ADGRA2: variants seen among roughly 807,000 people sequenced by gnomAD.
ADGRA2 encodes G-protein coupled receptor 124.
In ADGRA2, 61 loss-of-function variants were observed where a neutral mutation model predicts 98.7. The observed-to-expected ratio is 0.62, with a 90% CI of 0.50 to 0.76. The LOEUF is 0.76. Ranked by LOEUF, ADGRA2 falls within the 30% of genes least tolerant of loss-of-function variation. ADGRA2 has a pLI of 0.00. For synonymous variants in ADGRA2, 858 were observed against 831.5 expected (o/e 1.03, Z -0.55); for missense variants, 1,712 against 1,860.0 (o/e 0.92, Z 1.46).
At chr8:37,833,589 C>G in intron 9 of ADGRA2, 99 bp from the exon 10 acceptor site, 4 of 1,280,532 alleles carry the variant, frequency 3.1e-6, no homozygotes, top group Non-Finnish European at 3.3e-6. Context: ...ACTCCTGTCC[C>G]CAGGCACTGA....
intron 3 of ADGRA2, 138 bp downstream of exon 3, chr8:37,829,097 C>G (rs922283427): frequency 7.2e-6 from 5 of 697,786 alleles, no homozygotes; most frequent in Non-Finnish European, 9.1e-6. Context: ...TGGCTGGGGT[C>G]AAAGGAGCTG....
At chr8:37,812,744 A>G (rs1404301512) in intron 1 of ADGRA2, among the ~76,000 whole-genome samples, 1 of 151,708 alleles carries the variant, frequency 6.6e-6, no homozygotes, top group Non-Finnish European at 1.5e-5. Context: ...AGCTCACTGC[A>G]GCCTCGAACT....
In ADGRA2 at chr8:37,835,306, C is replaced by A. The variant is rs754709982; in HGVS notation, c.1741C>A (p.Pro581Thr). Residue 581 changes from proline (P) to threonine (T), a missense_variant, in exon 12 of 19, where the codon CCA becomes ACA. Transcript: ENST00000412232. ...TRPGSPGQNP[P>T]PEPEPPADQQ... ...GCCAGGAAGCCCTGGCCAGAACCCC[C>A]CACCTGAGCCCGAGCCCCCAGCTGA... 6.2e-6 allele frequency: 10 copies of A among 1,613,684 alleles called. No individual in the cohort carries two copies. Among genetic ancestry groups the A allele is most frequent in the Non-Finnish European group, 8.5e-6 (10 of 1,179,960 alleles).
rs745338333 is a variant in ADGRA2, at chr8:37,841,867, C to A, written c.3529C>A (p.His1177Asn). The A allele has an allele frequency of 4.0e-5, 62 of 1,534,794 alleles. No individual in the cohort carries two copies. The East Asian group carries it at 1.5e-3, about 38-fold the overall frequency. The change falls in exon 19 of 19, where the codon CAC (histidine) becomes AAC (asparagine). Residue 1177 changes from histidine (H) to asparagine (N), a missense_variant. Coordinates refer to ENST00000412232, the MANE Select transcript of ADGRA2 (RefSeq NM_032777.10). This position sits in a 1 kb window ranked among gnomAD's most constrained non-coding sequence, Gnocchi z 5.0. ...CGCCCACCGCCACCCCAACAACGTGCACCACGGGCGTCGGGCGCACAAGAG... is the reference window on the plus strand; with the variant it reads ...CGCCCACCGCCACCCCAACAACGTGAACCACGGGCGTCGGGCGCACAAGAG... ...NLAHRHPNNV[H>N]HGRRAHKSRA...
chr8:37,825,479 C>T (rs926750079), intron 2 of ADGRA2, among the ~76,000 whole-genome samples: 8 of 151,644 alleles, frequency 5.3e-5, no homozygotes, highest in African/African-American at 1.7e-4. Flanking sequence ...GAACTCCTGA[C>T]CTCAGGTGAT....
chr8:37,829,774 C>T, intron 5 of ADGRA2, 77 bp from the exon 6 acceptor site: 3 of 1,449,722 alleles, frequency 2.1e-6, no homozygotes, highest in Non-Finnish European at 1.9e-6. Flanking sequence ...CAGCTTCATC[C>T]CTCCCTGGGG....
intron 2 of ADGRA2, among the ~76,000 whole-genome samples, chr8:37,822,888 AC>A (rs1334603444): frequency 6.7e-6 from 1 of 149,014 alleles, no homozygotes; most frequent in African/African-American, 2.5e-5. Flanking sequence ...TTGGGTGGAT[AC>A]TACTTTTTTT....
intron 2 of ADGRA2, among the ~76,000 whole-genome samples, chr8:37,822,401 A>ACACACACACACC (rs1805151761): frequency 7.7e-6 from 1 of 129,850 alleles, no homozygotes; most frequent in African/African-American, 3.7e-5. Context: ...ACACACACAC[A>ACACACACACACC]CACACACAGT....
chr8:37,830,119 T>C lies in ADGRA2; in HGVS notation c.718+105T>C, dbSNP rs1420204984. The C allele has an allele frequency of 2.8e-6, 2 of 710,488 alleles. No homozygotes were observed. Among genetic ancestry groups the C allele is most frequent in the Non-Finnish European group, 4.4e-6 (2 of 453,036 alleles). 44.0% of individuals were successfully genotyped at this position (710,488 alleles called of 1,614,324 possible). On this transcript the variant is annotated intron_variant, in intron 6 of 18. Transcript: ENST00000412232. This position sits in a 1 kb window ranked among gnomAD's most constrained non-coding sequence, Gnocchi z 4.8. ...TCAGACCCACAGGTTTTTACCTTTG[T>C]ATTGCAATTTGCAAAAGACCACGAC...
intron 16 of ADGRA2, 135 bp downstream of exon 16, chr8:37,839,757 C>T (rs957307590): frequency 1.8e-6 from 2 of 1,137,050 alleles, no homozygotes; most frequent in African/African-American, 3.1e-5. Flanking sequence ...CTGTGGCAGC[C>T]TTGGAAGGCA....
chr8:37,835,889 A>G, intron 13 of ADGRA2, 119 bp downstream of exon 13: 1 of 667,828 alleles, frequency 1.5e-6, no homozygotes, highest in Non-Finnish European at 2.7e-6. Context: ...CTGACACAGG[A>G]TGTTGGGTCT....
rs1805905692 is a variant in ADGRA2 at position 37,844,297 on chromosome 8, C to T, written c.*1942C>T. 3.1e-6 allele frequency: 2 copies of T among 647,460 alleles called. No homozygotes were observed. Among genetic ancestry groups the T allele is most frequent in the African/African-American group, 1.8e-5 (1 of 54,580 alleles). 40.1% of individuals were successfully genotyped at this position (647,460 alleles called of 1,614,324 possible). On this transcript the variant is annotated 3_prime_UTR_variant, in exon 19 of 19. Coordinates refer to ENST00000412232, the MANE Select transcript of ADGRA2 (RefSeq NM_032777.10). ...CTCCCACACCAAGGGATGGGAATCT[C>T]TCCTACCTATAGTCATCCCTGCACT...
chr8:37,819,768 T>G (rs530462561), intron 2 of ADGRA2, among the ~76,000 whole-genome samples: 59 of 152,262 alleles, frequency 3.9e-4, no homozygotes, highest in African/African-American at 1.3e-3. Context: ...CCTCCCAGGT[T>G]CAAGTGATTC....
rs1365947422 is a variant in ADGRA2 at position 37,830,800 on chromosome 8, C to T, written c.809C>T (p.Ala270Val). Reference sequence around the variant, plus strand: ...GATCGGCTGCCCTTCCAGTGCTCTGCCAGCTACCTGGGCAACGACACCCGC... The same window carrying T: ...GATCGGCTGCCCTTCCAGTGCTCTGTCAGCTACCTGGGCAACGACACCCGC... ...QGDRLPFQCS[A>V]SYLGNDTRIR... The change falls in exon 7 of 19, where the codon GCC becomes GTC. Residue 270 changes from alanine (A) to valine (V), a missense_variant. Transcript: ENST00000412232. The surrounding 1 kb of genome is among the most constrained non-coding windows in gnomAD (Gnocchi z 4.8). 1 of 1,593,658 alleles carries T rather than the reference C, an allele frequency of 6.3e-7. No homozygotes were observed.
intron 11 of ADGRA2, 47 bp from the exon 12 acceptor site, chr8:37,835,127 G>A (rs113177013): frequency 0.014 from 19,219 of 1,420,372 alleles, 166 homozygotes; most frequent in Middle Eastern, 0.026. Context: ...GTCCCAAGCA[G>A]AAGGCCACCA....
chr8:37,833,149 G>T lies in ADGRA2; in HGVS notation c.1237G>T (p.Asp413Tyr), dbSNP rs748824937. The T allele has an allele frequency of 1.2e-6, 2 of 1,613,154 alleles. No homozygotes were observed. Among genetic ancestry groups the T allele is most frequent in the Non-Finnish European group, 1.7e-6 (2 of 1,179,830 alleles). ...CCGTGCCGGCCGCTGGGAGCCAGGG[G>T]ACTACTCCCACTGTCTCTACACCAA... The part of the protein sequence containing the change: ...CDRAGRWEPG[D>Y]YSHCLYTNDI... Residue 413 changes from aspartate (D) to tyrosine (Y), a missense_variant, in exon 9 of 19, where the codon GAC becomes TAC. Transcript: ENST00000412232.
rs1431823953 is a variant in ADGRA2, at chr8:37,833,551, G to C, written c.1297-137G>C. The C allele has an allele frequency of 3.5e-6, 3 of 865,728 alleles. No individual in the cohort carries two copies. The East Asian group carries it at 7.7e-5, about 22-fold the overall frequency. The allele number at this position is 865,728 out of a possible 1,614,324, so 53.6% of individuals were successfully genotyped here. A position where few individuals can be genotyped will look rare whatever the true frequency, so the allele number is the denominator to read the frequency against. On this transcript the variant is annotated intron_variant, in intron 9 of 18. Coordinates refer to ENST00000412232, the MANE Select transcript of ADGRA2 (RefSeq NM_032777.10). ...GGTCTCAGCCTCCTCTGCCCTCCTA[G>C]CTTGATGAGACCCAGAAGGTAGGCT...
rs1316109141 is a variant in ADGRA2 at position 37,834,209 on chromosome 8, C to T, written c.1608+81C>T. The T allele has an allele frequency of 3.1e-6, 4 of 1,300,666 alleles. No individual in the cohort carries two copies. The East Asian group carries it at 7.2e-5, about 24-fold the overall frequency. The allele number at this position is 1,300,666 out of a possible 1,614,324, so 80.6% of individuals were successfully genotyped here. ...CTCTCAGGCGTGCACCTGCCGTGCC[C>T]CAGCTAGCAAGAGCAGCAGACGTGA... is the stretch of plus-strand genomic sequence containing the variant. On this transcript the variant is annotated intron_variant, in intron 11 of 18. Transcript: ENST00000412232. This position sits in a 1 kb window ranked among gnomAD's most constrained non-coding sequence, Gnocchi z 4.2.
chr8:37,824,587 G>A (rs889209960), intron 2 of ADGRA2, among the ~76,000 whole-genome samples: 5 of 147,840 alleles, frequency 3.4e-5, no homozygotes, highest in African/African-American at 1.0e-4. Flanking sequence ...TCCACCTCCC[G>A]GGTTCAAGCG....
Sources: allele counts gnomAD v4.1 joint callset (sites outside exome capture counted in the v4.1 genomes callset), GRCh38; gene constraint gnomAD v4.1.1; non-coding constraint Gnocchi (gnomAD v3.1); transcripts MANE v1.5; gene names NCBI Gene and HGNC (gene_info 2026-07-23, HGNC 2026-07-21).